The following PPFIA2 variants were observed in gnomAD, a reference collection of about 807,000 sequenced individuals.
The protein encoded by PPFIA2 is liprin-alpha-2.
PPFIA2 carries 46 observed loss-of-function variants against 175.5 expected under a neutral mutation model. The observed-to-expected ratio is 0.26, with a 90% CI of 0.21 to 0.34. The LOEUF (loss-of-function observed/expected upper bound fraction) is 0.34, where lower values mean the gene tolerates loss of function less well. Among genes scored for constraint, PPFIA2 ranks in the 10% least tolerant of loss-of-function variants. The pLI is 1.00. For synonymous variants in PPFIA2, 568 were observed against 511.4 expected (o/e 1.11, Z -1.49); for missense variants, 1,179 against 1,506.1 (o/e 0.78, Z 3.60).
intron 4 of PPFIA2, among the ~76,000 whole-genome samples, chr12:81,492,837 G>A (rs146015741): frequency 1.3e-5 from 2 of 152,064 alleles, no homozygotes; most frequent in East Asian, 3.9e-4. Flanking sequence ...ACTTAGGTGA[G>A]GCAAAAGAGG....
At chr12:81,339,430 T>C (rs2140282167) in intron 20 of PPFIA2, 96 bp from the exon 21 acceptor site, 1 of 981,314 alleles carries the variant, frequency 1.0e-6, no homozygotes, top group Non-Finnish European at 1.3e-6. Context: ...ACAAGCAGAC[T>C]TGTAATGTTG....
At chr12:81,364,100 C>T (rs1566460856) in intron 14 of PPFIA2, among the ~76,000 whole-genome samples, 1 of 151,572 alleles carries the variant, frequency 6.6e-6, no homozygotes, top group East Asian at 1.9e-4. Flanking sequence ...GGACAATGAC[C>T]TAAATAAAGG....
At chr12:81,555,914 C>A (rs753758198) in intron 4 of PPFIA2, among the ~76,000 whole-genome samples, 9 of 151,866 alleles carry the variant, frequency 5.9e-5, no homozygotes, top group Non-Finnish European at 1.3e-4. Context: ...TTTTCTGAAC[C>A]TTGTCGCCCA....
At chr12:81,716,504 T>C (rs116699493) in intron 3 of PPFIA2, among the ~76,000 whole-genome samples, 2,297 of 151,558 alleles carry the variant, frequency 0.015, 29 homozygotes, top group South Asian at 0.042. Flanking sequence ...ATTCTATTTC[T>C]CACCCAGAAG....
At chr12:81,516,770 A>C (rs1567156105) in intron 4 of PPFIA2, among the ~76,000 whole-genome samples, 1 of 152,212 alleles carries the variant, frequency 6.6e-6, no homozygotes, top group Non-Finnish European at 1.5e-5. Context: ...CTGTTGTGTA[A>C]GCCACAGTGG....
At chr12:81,518,861 A>C (rs1433239833) in intron 4 of PPFIA2, among the ~76,000 whole-genome samples, 1 of 152,156 alleles carries the variant, frequency 6.6e-6, no homozygotes, top group Non-Finnish European at 1.5e-5. Flanking sequence ...TAATGACATA[A>C]TATTTTAGGT....
chr12:81,619,249 G>A (rs1378730123), intron 4 of PPFIA2, among the ~76,000 whole-genome samples: 3 of 152,192 alleles, frequency 2.0e-5, no homozygotes, highest in Non-Finnish European at 4.4e-5. Flanking sequence ...CTCTGGTCCT[G>A]AGTCCAATGA....
intron 16 of PPFIA2, among the ~76,000 whole-genome samples, chr12:81,356,513 A>C (rs920510480): frequency 6.6e-6 from 1 of 151,992 alleles, no homozygotes; most frequent in South Asian, 2.1e-4. Context: ...AAATACAAAA[A>C]TTAGCTGGGC....
In PPFIA2 at chr12:81,281,249, AC is replaced by A; in HGVS notation, c.3212+7del. The A allele has an allele frequency of 2.6e-6, 4 of 1,548,432 alleles. No individual in the cohort carries two copies. Among genetic ancestry groups the A allele is most frequent in the Non-Finnish European group, 3.5e-6 (4 of 1,146,082 alleles). The stretch of plus-strand genomic sequence containing the variant: ...ATTCTTTGGGGAAAAAAAAGAAAAA[AC>A]ACCTACCGATGGAAACTATCCACCA... On this transcript the variant is annotated splice_region_variant and intron_variant, in intron 27 of 32. Transcript: ENST00000549396.
At chr12:81,312,231 T>A (rs879697901) in intron 22 of PPFIA2, 59 of 1,427,450 alleles carry the variant, frequency 4.1e-5, no homozygotes, top group Admixed American at 1.1e-4. Context: ...ATGGATACAG[T>A]TCAATCCAAA....
At chr12:81,686,579 T>A (rs1190317998) in intron 3 of PPFIA2, among the ~76,000 whole-genome samples, 9 of 152,118 alleles carry the variant, frequency 5.9e-5, no homozygotes, top group Admixed American at 2.6e-4. Flanking sequence ...TTCCAACTTT[T>A]CCACACTGAT....
intron 4 of PPFIA2, among the ~76,000 whole-genome samples, chr12:81,507,545 A>G (rs568941244): frequency 5.9e-5 from 9 of 152,284 alleles, no homozygotes; most frequent in African/African-American, 2.2e-4. Context: ...TGAACTCTCA[A>G]TTAGCTCCTC....
chr12:81,708,426 T>G (rs10862348), intron 3 of PPFIA2, among the ~76,000 whole-genome samples: 51,903 of 151,978 alleles, frequency 0.34, 9,671 homozygotes, highest in Middle Eastern at 0.49. Flanking sequence ...GAATTTACTT[T>G]TAACTTAGTG....
At chr12:81,537,969 C>T (rs1173803661) in intron 4 of PPFIA2, among the ~76,000 whole-genome samples, 3 of 151,844 alleles carry the variant, frequency 2.0e-5, no homozygotes, top group South Asian at 2.1e-4. Flanking sequence ...ATCTCTCAAA[C>T]GTAGACTCAC....
chr12:81,407,965 T>C (rs1188912128), intron 7 of PPFIA2, among the ~76,000 whole-genome samples: 1 of 152,232 alleles, frequency 6.6e-6, no homozygotes, highest in African/African-American at 2.4e-5. Context: ...GAATGCTTCA[T>C]TGAAAACAGC....
At position 81,259,596 on chromosome 12, in the gene PPFIA2, G is replaced by T. The variant is rs972713463; in HGVS notation, c.*98C>A. 29 of 1,522,570 alleles carry T rather than the reference G, an allele frequency of 1.9e-5. No individual in the cohort carries two copies. The highest frequency in any genetic ancestry group is 7.9e-5 in the Admixed American group (4 of 50,800). 94.3% of individuals were successfully genotyped at this position (1,522,570 alleles called of 1,614,324 possible). ...TCCTTAGAATTCAGTTTTCACAAAG[G>T]TTTTCACTGCTCGTCTTCTTAGATG... On this transcript the variant is annotated 3_prime_UTR_variant, in exon 33 of 33. Coordinates refer to ENST00000549396, the MANE Select transcript of PPFIA2 (RefSeq NM_003625.5).
intron 9 of PPFIA2, among the ~76,000 whole-genome samples, chr12:81,376,762 C>T (rs2141757464): frequency 6.6e-6 from 1 of 152,168 alleles, no homozygotes; most frequent in South Asian, 2.1e-4. Flanking sequence ...GAATTGTTTC[C>T]TGAGAATGTG....
intron 4 of PPFIA2, among the ~76,000 whole-genome samples, chr12:81,631,772 T>C: frequency 6.6e-6 from 1 of 152,214 alleles, no homozygotes; most frequent in East Asian, 1.9e-4. Context: ...CTCTGACCTA[T>C]TGGACTTACA....
chr12:81,289,122 G>A (rs980581224), intron 24 of PPFIA2, among the ~76,000 whole-genome samples: 1 of 151,796 alleles, frequency 6.6e-6, no homozygotes, highest in Non-Finnish European at 1.5e-5. Flanking sequence ...CTTTCTCATA[G>A]CTGTAGTTGT....
Sources: gnomAD v4.1 joint callset for allele counts (sites outside exome capture counted in the v4.1 genomes callset) on GRCh38, gnomAD v4.1.1 for gene constraint, MANE v1.5 for transcripts, NCBI Gene and HGNC (gene_info 2026-07-23, HGNC 2026-07-21) for gene names.